CDH12: variants seen among roughly 807,000 people sequenced by gnomAD.
The protein encoded by CDH12 is cadherin-12.
A neutral mutation model predicts 74.1 loss-of-function variants in CDH12; 41 were observed. The observed-to-expected ratio is 0.55, with a 90% CI of 0.43 to 0.72. The LOEUF is 0.72. Ranked by LOEUF, CDH12 falls within the 30% of genes least tolerant of loss-of-function variation. The pLI, the probability that CDH12 is intolerant of heterozygous loss-of-function variation, is 0.00. For missense variants in CDH12, 945 were observed against 977.2 expected (o/e 0.97, Z 0.44); for synonymous variants, 399 against 355.0 (o/e 1.12, Z -1.39).
chr5:22,386,823 A>T (rs887380738), intron 3 of CDH12, among the ~76,000 whole-genome samples: 1 of 151,952 alleles, frequency 6.6e-6, no homozygotes, highest in Non-Finnish European at 1.5e-5. Flanking sequence ...AAAAGTCTTA[A>T]TTGAATATTA....
At chr5:22,602,152 A>C (rs1736880703) in intron 1 of CDH12, among the ~76,000 whole-genome samples, 1 of 152,116 alleles carries the variant, frequency 6.6e-6, no homozygotes, top group Non-Finnish European at 1.5e-5. Context: ...AGCTGTCAGA[A>C]AAGAGAAAAG....
intron 6 of CDH12, among the ~76,000 whole-genome samples, chr5:21,862,469 G>GC (rs756078421): frequency 3.9e-5 from 6 of 152,150 alleles, no homozygotes; most frequent in Non-Finnish European, 1.5e-5. Flanking sequence ...GTGGAACTGA[G>GC]CCCCACTAAG....
At chr5:22,076,223 C>T (rs192633197) in intron 5 of CDH12, among the ~76,000 whole-genome samples, 413 of 152,168 alleles carry the variant, frequency 2.7e-3, no homozygotes, top group Non-Finnish European at 4.7e-3. Context: ...TTTTTAATTA[C>T]ATTTATAAAT....
chr5:22,823,827 A>G (rs868057208), intron 1 of CDH12, among the ~76,000 whole-genome samples: 11 of 152,240 alleles, frequency 7.2e-5, no homozygotes, highest in Middle Eastern at 6.8e-3. Flanking sequence ...CCTTTCTGCC[A>G]TGATTGTAAG....
At chr5:21,950,941 C>T (rs1207157412) in intron 6 of CDH12, among the ~76,000 whole-genome samples, 1 of 150,796 alleles carries the variant, frequency 6.6e-6, no homozygotes, top group East Asian at 2.0e-4. Flanking sequence ...TGCCCACCAC[C>T]ACGCCCAGCT....
chr5:22,339,749 A>C (rs1354414934), intron 3 of CDH12, among the ~76,000 whole-genome samples: 1 of 152,212 alleles, frequency 6.6e-6, no homozygotes, highest in Admixed American at 6.5e-5. Context: ...AGCCTTTAGC[A>C]GGTCTTTGAA....
chr5:22,061,611 A>C (rs1384262974), intron 5 of CDH12, among the ~76,000 whole-genome samples: 1 of 152,106 alleles, frequency 6.6e-6, no homozygotes, highest in East Asian at 1.9e-4. Flanking sequence ...ACTGGGGTTC[A>C]TTTCTTATCA....
chr5:21,833,223 G>GTTATATAATATATAATATATATTATATA (rs1749252381), intron 8 of CDH12, among the ~76,000 whole-genome samples: 12 of 4,726 alleles, frequency 2.5e-3, no homozygotes, highest in Admixed American at 8.8e-3. Flanking sequence ...TATATTATAT[G>GTTATATAATATATAATATATATTATATA]TTATATAACA....
intron 2 of CDH12, among the ~76,000 whole-genome samples, chr5:22,463,322 T>A (rs1177086765): frequency 6.6e-6 from 1 of 152,184 alleles, no homozygotes; most frequent in African/African-American, 2.4e-5. Context: ...ATTCATTTTC[T>A]AAAAGCCTAC....
chr5:22,348,828 C>A (rs1404600646), intron 3 of CDH12, among the ~76,000 whole-genome samples: 2 of 152,148 alleles, frequency 1.3e-5, no homozygotes, highest in Non-Finnish European at 2.9e-5. Context: ...CTAGACAATG[C>A]CGTGAGCCTT....
chr5:22,271,418 T>A (rs1467688298), intron 3 of CDH12, among the ~76,000 whole-genome samples: 2 of 152,218 alleles, frequency 1.3e-5, no homozygotes, highest in East Asian at 3.9e-4. Context: ...ATGGAAGTAT[T>A]GAATCCCTCA....
intron 2 of CDH12, among the ~76,000 whole-genome samples, chr5:22,490,719 A>G (rs1254525655): frequency 6.6e-6 from 1 of 152,142 alleles, no homozygotes; most frequent in Non-Finnish European, 1.5e-5. Context: ...AATAAACCCC[A>G]CACAACTAAC....
intron 3 of CDH12, among the ~76,000 whole-genome samples, chr5:22,306,561 A>T (rs1250579477): frequency 6.6e-6 from 1 of 152,154 alleles, no homozygotes; most frequent in Non-Finnish European, 1.5e-5. Flanking sequence ...TTTTTAACCT[A>T]ATATGCAAAA....
chr5:22,661,811 T>C (rs10037419), intron 1 of CDH12, among the ~76,000 whole-genome samples: 82,866 of 151,574 alleles, frequency 0.55, 22,962 homozygotes, highest in Non-Finnish European at 0.59. Context: ...GGACAGGCTC[T>C]TCCACAAAAG....
intron 1 of CDH12, among the ~76,000 whole-genome samples, chr5:22,843,345 T>G (rs570350577): frequency 6.6e-6 from 1 of 152,162 alleles, no homozygotes; most frequent in South Asian, 2.1e-4. Flanking sequence ...ATGTTCTTTT[T>G]CTCTGTAGTA....
chr5:21,751,616 G>GTGTGTGTGTGTGTT lies in CDH12; in HGVS notation c.*120_*121insAACACACACACACA. On this transcript the variant is annotated 3_prime_UTR_variant, in exon 15 of 15. Coordinates refer to ENST00000382254, the MANE Select transcript of CDH12 (RefSeq NM_004061.5). ...AAAGGAATCTTGTCCCAGAGTGTGT[G>GTGTGTGTGTGTGTT]TGTGTGTGTGTGTGTTTGTGTGTGT... The GTGTGTGTGTGTGTT allele has an allele frequency of 1.4e-6, 1 of 690,914 alleles. No individual in the cohort carries two copies. Among genetic ancestry groups the GTGTGTGTGTGTGTT allele is most frequent in the Non-Finnish European group, 2.4e-6 (1 of 410,538 alleles). 42.8% of individuals were successfully genotyped at this position (690,914 alleles called of 1,614,324 possible). A position where few individuals can be genotyped will look rare whatever the true frequency, so the allele number is the denominator to read the frequency against.
At chr5:21,808,221 A>C (rs1747543803) in intron 9 of CDH12, among the ~76,000 whole-genome samples, 1 of 152,184 alleles carries the variant, frequency 6.6e-6, no homozygotes, top group South Asian at 2.1e-4. Context: ...CAAGGCTTAG[A>C]TTGGATCATA....
intron 4 of CDH12, among the ~76,000 whole-genome samples, chr5:22,135,209 C>CAAA (rs5866550): frequency 7.0e-4 from 84 of 119,390 alleles, no homozygotes; most frequent in South Asian, 1.9e-3. Context: ...AACACATAAG[C>CAAA]AAAAAAAAAA....
At position 21,765,042 on chromosome 5, in the gene CDH12, T is replaced by G; in HGVS notation, c.1451A>C (p.Glu484Ala). 1 of 1,611,632 alleles carries G rather than the reference T, an allele frequency of 6.2e-7. No individual in the cohort carries two copies. The highest frequency in any genetic ancestry group is 8.5e-7 in the Non-Finnish European group (1 of 1,178,312). The change falls in exon 12 of 15, where the codon GAA becomes GCA. Residue 484 changes from glutamate (E) to alanine (A), a missense_variant. Glu to Ala is a moderately radical substitution (Grantham distance 107, BLOSUM62 -1). Transcript: ENST00000382254. The stretch of plus-strand genomic sequence containing the variant: ...TGGCACAGATATTTCTGGAGGAAAT[T>G]CATTTACATCTAAGACATTAATCAG... ...NILINVLDVN[E>A]FPPEISVPYE...
Sources: gnomAD v4.1 joint callset for allele counts (sites outside exome capture counted in the v4.1 genomes callset) on GRCh38, gnomAD v4.1.1 for gene constraint, MANE v1.5 for transcripts, NCBI Gene and HGNC (gene_info 2026-07-23, HGNC 2026-07-21) for gene names.